The following FTCD variants were observed in gnomAD, a reference collection of about 807,000 sequenced individuals.
FTCD encodes the protein formimidoyltransferase cyclodeaminase.
Under a neutral mutation model 62.9 loss-of-function variants are expected in FTCD, and 76 were observed. That is an observed-to-expected ratio of 1.21 (90% CI 1.00 to 1.46). The LOEUF is 1.46. FTCD is among the 40% of genes most tolerant of loss of function. The probability of loss-of-function intolerance (pLI) is 0.00; values close to 1 mark genes in which losing one functional copy is unlikely to be tolerated. For synonymous variants in FTCD, 397 were observed against 336.9 expected, an observed-to-expected ratio of 1.18 and a Z score of -1.95; for missense variants, 845 against 751.3, an observed-to-expected ratio of 1.12 and a Z score of -1.46.
chr21:46,152,592 C>A (rs912616718), intron 3 of FTCD: 1 of 292,028 alleles, frequency 3.4e-6, no homozygotes, highest in Non-Finnish European at 6.4e-6. Flanking sequence ...CTGTTTGTTT[C>A]ATATCATTTT....
In FTCD at chr21:46,150,213, C is replaced by T; in HGVS notation, c.812G>A (p.Gly271Asp). The change falls in exon 7 of 14, where the codon GGC becomes GAC. Residue 271 changes from glycine (G) to aspartate (D), a missense_variant. Coordinates refer to ENST00000397746, the MANE Select transcript of FTCD (RefSeq NM_206965.2). ...CAGCAGAGCCTTCAGGGGCACCAGGCCCACCAGCTGTGAGCCCACCACTGG... is the reference window on the plus strand; with the variant it reads ...CAGCAGAGCCTTCAGGGGCACCAGGTCCACCAGCTGTGAGCCCACCACTGG... Reference protein sequence around the residue: ...SLPVVGSQLVGLVPLKALLDA... With the variant: ...SLPVVGSQLVDLVPLKALLDA... 1.2e-6 allele frequency: 2 copies of T among 1,609,508 alleles called. No individual in the cohort carries two copies.
At chr21:46,140,240 G>A (rs1265977147) in intron 10 of FTCD, among the ~76,000 whole-genome samples, 2 of 146,186 alleles carry the variant, frequency 1.4e-5, no homozygotes, top group Non-Finnish European at 3.0e-5. Context: ...CTCACAGGGT[G>A]CGTAAACCAA....
rs990001774 is a variant in FTCD, at chr21:46,154,509, G to A, written c.55-177C>T. ...AGTGCCCGCACACAGCGGCCGCCCG[G>A]GAACCCTCACAGCAGCCACAGTCAC... On this transcript the variant is annotated intron_variant, in intron 1 of 13. Coordinates refer to ENST00000397746, the MANE Select transcript of FTCD (RefSeq NM_206965.2). Among the ~76,000 whole-genome samples, 13 of 151,912 alleles carry A rather than the reference G, an allele frequency of 8.6e-5. No homozygotes were observed. In the South Asian group the frequency reaches 2.7e-3, roughly 32 times the overall value.
rs770507251 is a variant in FTCD at position 46,137,085 on chromosome 21, A to T, written c.1540-12T>A. 6.2e-7 allele frequency: 1 copy of T among 1,613,722 alleles called. No individual in the cohort carries two copies. Among genetic ancestry groups the T allele is most frequent in the South Asian group, 1.1e-5 (1 of 91,080 alleles). On this transcript the variant is annotated splice_polypyrimidine_tract_variant and intron_variant, in intron 13 of 13. Transcript: ENST00000397746. ...ACACGATGGTGGATCTGATGGACAC[A>T]GGGAAAGAGGGGTCTGGTAGTTCCA...
At chr21:46,155,405 C>T in intron 1 of FTCD, 65 bp downstream of exon 1, 1 of 1,352,088 alleles carries the variant, frequency 7.4e-7, no homozygotes, top group Non-Finnish European at 1.1e-6. Context: ...CCTCCATGGC[C>T]TGGGCCTTAG....
intron 7 of FTCD, among the ~76,000 whole-genome samples, chr21:46,147,584 C>T (rs1278792337): frequency 6.6e-6 from 1 of 152,114 alleles, no homozygotes; most frequent in Non-Finnish European, 1.5e-5. Flanking sequence ...GGAGGCAGCA[C>T]GCAGCCACGG....
intron 7 of FTCD, chr21:46,146,598 G>A (rs2079153552): frequency 1.8e-6 from 1 of 567,260 alleles, no homozygotes; most frequent in South Asian, 2.2e-5. Flanking sequence ...CCCAGAGAAA[G>A]GAGTTGCCCC....
chr21:46,150,625 G>A (rs1024552996), intron 5 of FTCD, 100 bp from the exon 6 acceptor site: 2 of 1,246,470 alleles, frequency 1.6e-6, no homozygotes, highest in Non-Finnish European at 2.4e-6. Flanking sequence ...GGACGGGGAG[G>A]AGCCTGTGCC....
intron 10 of FTCD, among the ~76,000 whole-genome samples, chr21:46,143,986 G>C (rs917708267): frequency 1.3e-5 from 2 of 152,110 alleles, no homozygotes; most frequent in African/African-American, 4.8e-5. Flanking sequence ...GATAACAGTA[G>C]CAAACTTAGT....
intron 1 of FTCD, among the ~76,000 whole-genome samples, chr21:46,154,855 C>CT (rs1208703765): frequency 1.3e-5 from 2 of 152,242 alleles, no homozygotes; most frequent in Non-Finnish European, 2.9e-5. Flanking sequence ...CCCTGCACCC[C>CT]TGCGGGTGAC....
downstream of FTCD, chr21:46,136,590 G>A (rs1414517328): frequency 1.9e-6 from 3 of 1,542,774 alleles, no homozygotes; most frequent in African/African-American, 2.7e-5. Flanking sequence ...GAATACCTGT[G>A]ACCCTGCCCA....
chr21:46,149,796 G>A (rs1914262811), intron 7 of FTCD, among the ~76,000 whole-genome samples: 3 of 152,302 alleles, frequency 2.0e-5, no homozygotes, highest in Admixed American at 6.5e-5. Context: ...CAGTTCCAGG[G>A]GTGCAGGACG....
chr21:46,153,866 A>C (rs2079363744), intron 2 of FTCD, among the ~76,000 whole-genome samples: 1 of 152,130 alleles, frequency 6.6e-6, no homozygotes, highest in Non-Finnish European at 1.5e-5. Context: ...GGGGCCCACA[A>C]ACCTTCCCCG....
At position 46,152,205 on chromosome 21, in the gene FTCD, A is replaced by C. The variant is rs552015755; in HGVS notation, c.368-225T>G. 25 of 525,694 alleles carry C rather than the reference A, an allele frequency of 4.8e-5. No individual in the cohort carries two copies. The East Asian group carries it at 7.5e-4, about 16-fold the overall frequency. 32.6% of individuals were successfully genotyped at this position (525,694 alleles called of 1,614,324 possible). The stretch of plus-strand genomic sequence containing the variant: ...CCCACCCCCTCCTCAGAGGGCCCTG[A>C]AAAGGCGAATTGCAGGGTTAGGATG... On this transcript the variant is annotated intron_variant, in intron 3 of 13. Transcript: ENST00000397746.
At chr21:46,143,880 C>A (rs1424920381) in intron 10 of FTCD, among the ~76,000 whole-genome samples, 3 of 152,186 alleles carry the variant, frequency 2.0e-5, no homozygotes, top group Non-Finnish European at 4.4e-5. Context: ...CGCAGTTATC[C>A]CGAGGCCTAA....
chr21:46,143,906 G>A (rs1421529624), intron 10 of FTCD, among the ~76,000 whole-genome samples: 1 of 152,184 alleles, frequency 6.6e-6, no homozygotes, highest in Admixed American at 6.5e-5. Flanking sequence ...TCCCTGTGAT[G>A]CTGTGCTTTA....
chr21:46,149,989 G>T, intron 7 of FTCD, 130 bp downstream of exon 7: 1 of 923,446 alleles, frequency 1.1e-6, no homozygotes, highest in Non-Finnish European at 1.7e-6. Context: ...CTCATCTTCT[G>T]AACACAAGTC....
chr21:46,145,194 G>T (rs2079111321), intron 10 of FTCD, among the ~76,000 whole-genome samples: 1 of 152,226 alleles, frequency 6.6e-6, no homozygotes, highest in Non-Finnish European at 1.5e-5. Flanking sequence ...TGAATGTGGG[G>T]TCACCCTGGC....
intron 13 of FTCD, 27 bp from the exon 14 acceptor site, chr21:46,137,100 T>G: frequency 1.9e-6 from 3 of 1,613,510 alleles, no homozygotes; most frequent in Non-Finnish European, 2.5e-6. Context: ...AAGAGGGGTC[T>G]GGTAGTTCCA....
Sources: allele counts gnomAD v4.1 joint callset (sites outside exome capture counted in the v4.1 genomes callset), GRCh38; gene constraint gnomAD v4.1.1; transcripts MANE v1.5; gene names NCBI Gene and HGNC (gene_info 2026-07-23, HGNC 2026-07-21).